The following PLLP variants were observed in gnomAD, a reference collection of about 807,000 sequenced individuals.
PLLP encodes plasmolipin.
Under a neutral mutation model 19.7 loss-of-function variants are expected in PLLP, and 15 were observed. The ratio of observed to expected loss-of-function variants is 0.76; its 90% CI spans 0.51 to 1.17. The LOEUF (loss-of-function observed/expected upper bound fraction) is 1.17. Ranked by LOEUF, PLLP falls within the 50% of genes most tolerant of loss-of-function variation. The pLI is 0.00. For synonymous variants in PLLP, 111 were observed against 116.3 expected (o/e 0.95, Z 0.29); for missense variants, 255 against 258.3 (o/e 0.99, Z 0.09).
chr16:57,258,508 G>A lies in PLLP; in HGVS notation c.386C>T (p.Thr129Ile). The change falls in exon 3 of 4, where the codon ACA (threonine) becomes ATA (isoleucine). Residue 129 changes from threonine to isoleucine, a missense_variant. Transcript: ENST00000219207. Reference protein sequence around the residue: ...FIACSAAVDLTSLRGTRPYNQ... With the variant: ...FIACSAAVDLISLRGTRPYNQ... Reference sequence around the variant, plus strand: ...ATAAGGCCGGGTGCCCCTCAGGGATGTCAGGTCAACTGCCGCAGAGCAGGC... The same window carrying A: ...ATAAGGCCGGGTGCCCCTCAGGGATATCAGGTCAACTGCCGCAGAGCAGGC... 6.2e-7 allele frequency: 1 copy of A among 1,613,174 alleles called. No individual in the cohort carries two copies. Among genetic ancestry groups the A allele is most frequent in the Admixed American group, 1.7e-5 (1 of 60,022 alleles).
At chr16:57,257,151 C>G in intron 3 of PLLP, 122 bp from the exon 4 acceptor site, 1 of 693,436 alleles carries the variant, frequency 1.4e-6, no homozygotes, top group Non-Finnish European at 2.6e-6. Context: ...TAGCCAGATG[C>G]ATTTCACAGC....
chr16:57,275,684 C>A (rs888332476), intron 1 of PLLP, among the ~76,000 whole-genome samples: 4 of 93,662 alleles, frequency 4.3e-5, no homozygotes, highest in East Asian at 3.2e-4. Flanking sequence ...GGGAAAAAAA[C>A]CCAGCAAAAC....
intron 1 of PLLP, among the ~76,000 whole-genome samples, chr16:57,275,986 T>A (rs1901149114): frequency 6.6e-6 from 1 of 152,130 alleles, no homozygotes; most frequent in African/African-American, 2.4e-5. Flanking sequence ...GGAGCACCTG[T>A]AGTCCCAGCT....
intron 3 of PLLP, among the ~76,000 whole-genome samples, chr16:57,257,285 G>C (rs2075428911): frequency 6.6e-6 from 1 of 152,212 alleles, no homozygotes; most frequent in African/African-American, 2.4e-5. Flanking sequence ...TGAAGGAGAA[G>C]ATAAGAGTGA....
At chr16:57,259,947 A>AGCCTG (rs1240866224) in intron 2 of PLLP, among the ~76,000 whole-genome samples, 3 of 151,786 alleles carry the variant, frequency 2.0e-5, no homozygotes, top group Admixed American at 6.6e-5. Context: ...ACTGCACTCC[A>AGCCTG]GCCTGGGCAA....
chr16:57,283,319 T>C (rs930075832), intron 1 of PLLP, among the ~76,000 whole-genome samples: 6 of 151,844 alleles, frequency 4.0e-5, no homozygotes, highest in South Asian at 2.1e-4. Flanking sequence ...CTGACCCAGG[T>C]AGAGGTGGGC....
chr16:57,277,814 G>A (rs1384568508), intron 1 of PLLP, among the ~76,000 whole-genome samples: 1 of 152,234 alleles, frequency 6.6e-6, no homozygotes, highest in Non-Finnish European at 1.5e-5. Context: ...CACAAGGCAT[G>A]TGGTTGCCTG....
intron 1 of PLLP, among the ~76,000 whole-genome samples, chr16:57,276,638 T>C (rs1205145522): frequency 6.6e-6 from 1 of 151,208 alleles, no homozygotes; most frequent in South Asian, 2.1e-4. Flanking sequence ...TAACACTACA[T>C]TGACCTATCA....
intron 1 of PLLP, among the ~76,000 whole-genome samples, chr16:57,270,152 CT>C (rs2075469828): frequency 6.6e-6 from 1 of 152,108 alleles, no homozygotes; most frequent in Non-Finnish European, 1.5e-5. Flanking sequence ...GCAGCAAATC[CT>C]TCCATGGCCC....
In PLLP at chr16:57,275,497, T is replaced by G. The variant is rs747788717; in HGVS notation, c.135+8909A>C. Among the ~76,000 whole-genome samples the G allele has an allele frequency of 2.5e-4, 38 of 151,236 alleles. 1 individual carries two copies. Among genetic ancestry groups the G allele is most frequent in the Non-Finnish European group, 4.9e-4 (33 of 67,896 alleles). On this transcript the variant is annotated intron_variant, in intron 1 of 3. Coordinates refer to ENST00000219207, the MANE Select transcript of PLLP (RefSeq NM_015993.3). Reference sequence around the variant, plus strand: ...AAATACAACAAATATGTAACAATGTTAATACATTCCAGACAGATACAACTG... The same window carrying G: ...AAATACAACAAATATGTAACAATGTGAATACATTCCAGACAGATACAACTG...
chr16:57,271,765 C>T (rs1414520500), intron 1 of PLLP, among the ~76,000 whole-genome samples: 1 of 152,154 alleles, frequency 6.6e-6, no homozygotes, highest in Non-Finnish European at 1.5e-5. Flanking sequence ...CCTCCCTCCA[C>T]AGGCCGCCCC....
At chr16:57,257,711 T>A (rs1401760101) in intron 3 of PLLP, among the ~76,000 whole-genome samples, 2 of 152,208 alleles carry the variant, frequency 1.3e-5, no homozygotes, top group Non-Finnish European at 2.9e-5. Flanking sequence ...ACTGGCCACC[T>A]GACGTGGGCC....
At chr16:57,278,419 C>T (rs1424520353) in intron 1 of PLLP, among the ~76,000 whole-genome samples, 1 of 152,098 alleles carries the variant, frequency 6.6e-6, no homozygotes, top group African/African-American at 2.4e-5. Flanking sequence ...CAAAAGTGCA[C>T]AGGAAAAAAG....
At chr16:57,263,252 G>A (rs908555597) in intron 1 of PLLP, 1 of 152,262 alleles carries the variant, frequency 6.6e-6, no homozygotes, top group Non-Finnish European at 1.5e-5. Context: ...GGGCCTCCAG[G>A]AAGCCAAGGG....
chr16:57,258,978 C>G (rs1456658256), intron 2 of PLLP, among the ~76,000 whole-genome samples: 1 of 151,226 alleles, frequency 6.6e-6, no homozygotes, highest in Non-Finnish European at 1.5e-5. Context: ...CTTCTTGGTT[C>G]CCACTGGCAC....
rs571756481 is a variant in PLLP at position 57,272,988 on chromosome 16, G to A, written c.136-10918C>T. The stretch of plus-strand genomic sequence containing the variant: ...AAGTTGGGGGTGGGGGTCCAGGCGC[G>A]GTGGCTCACACCTATAATCCCAGCA... On this transcript the variant is annotated intron_variant, in intron 1 of 3. Coordinates refer to ENST00000219207, the MANE Select transcript of PLLP (RefSeq NM_015993.3). Among the ~76,000 whole-genome samples, 780 of 150,132 alleles carry A rather than the reference G, an allele frequency of 5.2e-3. 7 individuals carry two copies. Among genetic ancestry groups the A allele is most frequent in the African/African-American group, 0.018 (750 of 40,814 alleles).
intron 1 of PLLP, among the ~76,000 whole-genome samples, chr16:57,268,889 G>A (rs1392025051): frequency 1.3e-5 from 2 of 152,190 alleles, no homozygotes; most frequent in Non-Finnish European, 2.9e-5. Context: ...ATTCGCCACG[G>A]TGTGTGAGGC....
chr16:57,257,662 G>A (rs1234418563), intron 3 of PLLP, among the ~76,000 whole-genome samples: 4 of 152,194 alleles, frequency 2.6e-5, no homozygotes, highest in Admixed American at 1.3e-4. Context: ...GCCTGGTGGT[G>A]TGAAGGGTGA....
rs1339255197 is a variant in PLLP, at chr16:57,262,080, T to C, written c.136-10A>G. 1.9e-6 allele frequency: 3 copies of C among 1,613,622 alleles called. No individual in the cohort carries two copies. Among genetic ancestry groups the C allele is most frequent in the Non-Finnish European group, 1.7e-6 (2 of 1,179,840 alleles). ...CCAGCAGCCCCAGCACCTAGGAGGGTCAGACAAGGCAGGATTGGCCAGAGA... is the reference window on the plus strand; with the variant it reads ...CCAGCAGCCCCAGCACCTAGGAGGGCCAGACAAGGCAGGATTGGCCAGAGA... On this transcript the variant is annotated splice_polypyrimidine_tract_variant and intron_variant, in intron 1 of 3. Coordinates refer to ENST00000219207, the MANE Select transcript of PLLP (RefSeq NM_015993.3).
Sources: gnomAD v4.1 joint callset for allele counts (sites outside exome capture counted in the v4.1 genomes callset) on GRCh38, gnomAD v4.1.1 for gene constraint, MANE v1.5 for transcripts, NCBI Gene and HGNC (gene_info 2026-07-23, HGNC 2026-07-21) for gene names.